The following GABRB1 variants were observed in gnomAD, a reference collection of about 807,000 sequenced individuals.
The protein encoded by GABRB1 is gamma-aminobutyric acid type A receptor subunit beta1, also known as gamma-aminobutyric acid receptor subunit beta-1.
GABRB1 carries 17 observed loss-of-function variants against 51.6 expected under a neutral mutation model. The ratio of observed to expected loss-of-function variants is 0.33; its 90% CI spans 0.23 to 0.49. The LOEUF is 0.49. Among genes scored for constraint, GABRB1 ranks in the 20% least tolerant of loss-of-function variants. The pLI is 0.99. For synonymous variants in GABRB1, 247 were observed against 218.9 expected (o/e 1.13, Z -1.14); for missense variants, 410 against 600.6 (o/e 0.68, Z 3.32).
intron 3 of GABRB1, among the ~76,000 whole-genome samples, chr4:47,071,778 AG>A (rs2109547158): frequency 6.6e-6 from 1 of 152,088 alleles, no homozygotes; most frequent in African/African-American, 2.4e-5. Flanking sequence ...GGCATTCAAA[AG>A]GTATCTGTTA....
chr4:47,347,221 G>A (rs1726133906), intron 5 of GABRB1, among the ~76,000 whole-genome samples: 1 of 151,958 alleles, frequency 6.6e-6, no homozygotes, highest in African/African-American at 2.4e-5. Context: ...GGTAGAGATT[G>A]CAATGAGTCG....
chr4:47,213,900 G>A (rs1015397807), intron 4 of GABRB1, among the ~76,000 whole-genome samples: 3 of 151,644 alleles, frequency 2.0e-5, no homozygotes, highest in African/African-American at 7.3e-5. Context: ...ATGCGCTTTA[G>A]GGTAGATGTT....
Position 47,386,533 on chromosome 4 carries a change from G to A in GABRB1, c.545-16785G>A, listed in dbSNP as rs187817298. Among the ~76,000 whole-genome samples the A allele has an allele frequency of 3.3e-5, 5 of 152,214 alleles. No individual in the cohort carries two copies. In the East Asian group the frequency reaches 5.8e-4, roughly 18 times the overall value. On this transcript the variant is annotated intron_variant, in intron 5 of 8. Coordinates refer to ENST00000295454, the MANE Select transcript of GABRB1 (RefSeq NM_000812.4). ...TGTGTATTGGGGCCATTGAGTAACC[G>A]TCACTGTGATCTTTGGCTAGCAATG...
chr4:47,306,658 ATG>A (rs1233301394), intron 4 of GABRB1, among the ~76,000 whole-genome samples: 1 of 152,150 alleles, frequency 6.6e-6, no homozygotes, highest in African/African-American at 2.4e-5. Context: ...TGCTACACAT[ATG>A]TGATTCCCTA....
chr4:47,242,337 C>T (rs1721556298), intron 4 of GABRB1, among the ~76,000 whole-genome samples: 1 of 152,188 alleles, frequency 6.6e-6, no homozygotes, highest in Non-Finnish European at 1.5e-5. Flanking sequence ...TATAGTGCCG[C>T]AATAAACATA....
chr4:47,166,802 G>A (rs1221374035), intron 4 of GABRB1, among the ~76,000 whole-genome samples: 3 of 151,918 alleles, frequency 2.0e-5, no homozygotes, highest in South Asian at 2.1e-4. Context: ...CAGCCCTACC[G>A]ATGCCCTCCC....
At chr4:47,316,494 G>A (rs890516290) in intron 4 of GABRB1, among the ~76,000 whole-genome samples, 2 of 151,864 alleles carry the variant, frequency 1.3e-5, no homozygotes, top group Non-Finnish European at 2.9e-5. Flanking sequence ...AGGCACTTAG[G>A]TTGATTCCAT....
intron 4 of GABRB1, among the ~76,000 whole-genome samples, chr4:47,283,710 A>G (rs183518627): frequency 2.0e-5 from 3 of 151,858 alleles, no homozygotes; most frequent in Admixed American, 2.0e-4. Context: ...TTTTTAGGGG[A>G]CTTAAGAAAA....
intron 3 of GABRB1, among the ~76,000 whole-genome samples, chr4:47,085,726 T>C (rs147124854): frequency 8.3e-4 from 126 of 152,354 alleles, no homozygotes; most frequent in African/African-American, 2.9e-3. Context: ...GACAATGCTT[T>C]TGCTGGTCTC....
chr4:47,045,405 GA>G (rs1204315592), intron 3 of GABRB1, among the ~76,000 whole-genome samples: 1 of 151,948 alleles, frequency 6.6e-6, no homozygotes, highest in Non-Finnish European at 1.5e-5. Context: ...GGTACTTGGG[GA>G]AAAAACTGGT....
intron 4 of GABRB1, among the ~76,000 whole-genome samples, chr4:47,186,956 T>C (rs1719206517): frequency 6.6e-6 from 1 of 151,952 alleles, no homozygotes; most frequent in Non-Finnish European, 1.5e-5. Flanking sequence ...GAAATCCCTA[T>C]GAGGTAAACT....
At chr4:47,092,161 CTTTCTTTTTTTTT>C (rs1387207076) in intron 3 of GABRB1, among the ~76,000 whole-genome samples, 9 of 68,228 alleles carry the variant, frequency 1.3e-4, no homozygotes, top group Non-Finnish European at 2.0e-4. Flanking sequence ...TTCTTTCTTT[CTTTCTTTTTTTTT>C]TTTTTTTTTT....
chr4:47,358,353 ATG>A (rs927096180), intron 5 of GABRB1, among the ~76,000 whole-genome samples: 22 of 148,134 alleles, frequency 1.5e-4, no homozygotes, highest in African/African-American at 5.0e-4. Flanking sequence ...CATATTATAT[ATG>A]TGTGTGTGTA....
intron 3 of GABRB1, among the ~76,000 whole-genome samples, chr4:47,104,079 A>G (rs1714841084): frequency 6.6e-6 from 1 of 151,808 alleles, no homozygotes; most frequent in Admixed American, 6.6e-5. Context: ...CTTTAGTGCA[A>G]GAGTAGTGGT....
chr4:47,319,382 T>C (rs1724995071), intron 4 of GABRB1, among the ~76,000 whole-genome samples: 1 of 152,122 alleles, frequency 6.6e-6, no homozygotes, highest in African/African-American at 2.4e-5. Flanking sequence ...TGAGCACTCT[T>C]GCCTTCTTCC....
chr4:47,406,119 TCTCATGTTTC>T (rs139850808), intron 7 of GABRB1, among the ~76,000 whole-genome samples: 14,448 of 152,218 alleles, frequency 0.095, 762 homozygotes, highest in South Asian at 0.14. Context: ...TTATGACATT[TCTCATGTTTC>T]CTCTTTTGGT....
At chr4:47,278,143 C>T (rs746975139) in intron 4 of GABRB1, among the ~76,000 whole-genome samples, 2 of 152,096 alleles carry the variant, frequency 1.3e-5, no homozygotes, top group Non-Finnish European at 1.5e-5. Flanking sequence ...ACTAGCTGTT[C>T]TTTGTCTATA....
At chr4:47,404,200 T>A (rs1281349017) in intron 7 of GABRB1, among the ~76,000 whole-genome samples, 1 of 152,174 alleles carries the variant, frequency 6.6e-6, no homozygotes, top group Non-Finnish European at 1.5e-5. Flanking sequence ...ATGGAGTTTA[T>A]TACACTTGAA....
At chr4:47,406,569 T>G in intron 7 of GABRB1, 113 bp from the exon 8 acceptor site, 3 of 1,304,800 alleles carry the variant, frequency 2.3e-6, no homozygotes, top group Non-Finnish European at 3.2e-6. Context: ...CATGCTACTG[T>G]GATCACTCAG....
Sources: allele counts gnomAD v4.1 joint callset (sites outside exome capture counted in the v4.1 genomes callset), GRCh38; gene constraint gnomAD v4.1.1; transcripts MANE v1.5; gene names NCBI Gene and HGNC (gene_info 2026-07-23, HGNC 2026-07-21).